The following NOS1AP variants were observed in gnomAD, a reference collection of about 807,000 sequenced individuals.
The protein encoded by NOS1AP is carboxyl-terminal PDZ ligand of neuronal nitric oxide synthase protein.
NOS1AP carries 21 observed loss-of-function variants against 56.2 expected under a neutral mutation model. The ratio of observed to expected loss-of-function variants is 0.37; its 90% confidence interval spans 0.26 to 0.54. The LOEUF is 0.54. Ranked by LOEUF, NOS1AP falls within the 20% of genes least tolerant of loss-of-function variation. The pLI is 0.84. For synonymous variants in NOS1AP, 270 were observed against 274.6 expected, an observed-to-expected ratio of 0.98 and a Z score of 0.17; for missense variants, 522 against 657.8, an observed-to-expected ratio of 0.79 and a Z score of 2.26.
chr1:162,186,519 C>T (rs990584252), intron 2 of NOS1AP, among the ~76,000 whole-genome samples: 3 of 152,104 alleles, frequency 2.0e-5, no homozygotes, highest in Non-Finnish European at 4.4e-5. Flanking sequence ...AGTGTGTCTC[C>T]CCCAAATTCA....
chr1:162,167,071 G>C (rs1424713160), intron 2 of NOS1AP, among the ~76,000 whole-genome samples: 1 of 152,218 alleles, frequency 6.6e-6, no homozygotes, highest in East Asian at 1.9e-4. Context: ...TAATGGGGCA[G>C]CTGCTGTTCC....
intron 1 of NOS1AP, among the ~76,000 whole-genome samples, chr1:162,114,124 A>G (rs1647828385): frequency 1.3e-5 from 2 of 152,228 alleles, no homozygotes; most frequent in African/African-American, 4.8e-5. Flanking sequence ...TTGAATGGAA[A>G]GAACTGTGGT....
At chr1:162,236,449 A>G (rs1653294015) in intron 2 of NOS1AP, among the ~76,000 whole-genome samples, 1 of 152,214 alleles carries the variant, frequency 6.6e-6, no homozygotes, top group African/African-American at 2.4e-5. Flanking sequence ...GAAGGGCTGC[A>G]AGCTTGAGCA....
At chr1:162,267,649 G>C (rs1333063371) in intron 2 of NOS1AP, among the ~76,000 whole-genome samples, 4 of 151,644 alleles carry the variant, frequency 2.6e-5, no homozygotes, top group Non-Finnish European at 5.9e-5. Flanking sequence ...CTAAGTCCCA[G>C]CTACTCAGGA....
chr1:162,158,368 C>T (rs1396982885), intron 2 of NOS1AP, among the ~76,000 whole-genome samples: 1 of 152,006 alleles, frequency 6.6e-6, no homozygotes, highest in African/African-American at 2.4e-5. Context: ...GTATATATAC[C>T]ACATTAAAAC....
intron 4 of NOS1AP, among the ~76,000 whole-genome samples, chr1:162,332,046 T>C (rs192094504): frequency 6.6e-6 from 1 of 152,334 alleles, no homozygotes; most frequent in African/African-American, 2.4e-5. Context: ...TTCAAAGCCT[T>C]CTACATTTTG....
chr1:162,315,654 C>G (rs1410345631), intron 4 of NOS1AP, among the ~76,000 whole-genome samples: 1 of 152,240 alleles, frequency 6.6e-6, no homozygotes, highest in African/African-American at 2.4e-5. Flanking sequence ...ACCCTGAGAA[C>G]TGGCTTTTGA....
intron 2 of NOS1AP, among the ~76,000 whole-genome samples, chr1:162,260,792 T>C (rs1199535874): frequency 6.6e-6 from 1 of 152,112 alleles, no homozygotes; most frequent in African/African-American, 2.4e-5. Context: ...TTTTTTTTAA[T>C]AGCTGAAAGT....
intron 6 of NOS1AP, among the ~76,000 whole-genome samples, chr1:162,352,624 G>C (rs548789389): frequency 6.6e-6 from 1 of 152,282 alleles, no homozygotes; most frequent in South Asian, 2.1e-4. Flanking sequence ...AGCCAATTTG[G>C]TTCCTGGTGA....
chr1:162,266,673 A>G (rs1226798788), intron 2 of NOS1AP, among the ~76,000 whole-genome samples: 1 of 152,224 alleles, frequency 6.6e-6, no homozygotes, highest in Non-Finnish European at 1.5e-5. Flanking sequence ...CTTTGCCCAA[A>G]GAGCTTATCT....
intron 6 of NOS1AP, among the ~76,000 whole-genome samples, chr1:162,353,661 G>A (rs1657599415): frequency 6.6e-6 from 1 of 152,224 alleles, no homozygotes; most frequent in Non-Finnish European, 1.5e-5. Flanking sequence ...TGATGGCCAG[G>A]CACATCCAAT....
chr1:162,197,467 T>G (rs552581931), intron 2 of NOS1AP, among the ~76,000 whole-genome samples: 1 of 152,338 alleles, frequency 6.6e-6, no homozygotes, highest in South Asian at 2.1e-4. Flanking sequence ...TGCTGGATCT[T>G]ACTGGGAGCT....
intron 2 of NOS1AP, among the ~76,000 whole-genome samples, chr1:162,177,668 T>G (rs1173233708): frequency 1.3e-5 from 2 of 152,348 alleles, no homozygotes; most frequent in African/African-American, 2.4e-5. Flanking sequence ...ATGATGTGAT[T>G]TTTCTATTTT....
At chr1:162,155,124 G>A (rs553470443) in intron 2 of NOS1AP, among the ~76,000 whole-genome samples, 1 of 151,494 alleles carries the variant, frequency 6.6e-6, no homozygotes, top group Non-Finnish European at 1.5e-5. Flanking sequence ...GTGGGTAAGC[G>A]ATGTGTTATA....
intron 2 of NOS1AP, among the ~76,000 whole-genome samples, chr1:162,158,605 A>G (rs1405077477): frequency 6.6e-6 from 1 of 152,178 alleles, no homozygotes; most frequent in South Asian, 2.1e-4. Flanking sequence ...CATTACTATC[A>G]TATCTTCCTT....
chr1:162,347,662 C>A (rs985114211), intron 6 of NOS1AP, among the ~76,000 whole-genome samples: 3 of 152,182 alleles, frequency 2.0e-5, no homozygotes, highest in African/African-American at 7.2e-5. Flanking sequence ...CTGGCCCCTG[C>A]AGTGGTCTGC....
At chr1:162,308,427 G>A (rs757823357) in intron 4 of NOS1AP, among the ~76,000 whole-genome samples, 1 of 152,186 alleles carries the variant, frequency 6.6e-6, no homozygotes, top group Non-Finnish European at 1.5e-5. Context: ...CTAGCAGAGA[G>A]AGTTAGAGCA....
chr1:162,342,685 G>A (rs113630733), intron 5 of NOS1AP: 45 of 415,134 alleles, frequency 1.1e-4, no homozygotes, highest in African/African-American at 6.2e-4. Flanking sequence ...GTTAGGTAAT[G>A]TAATACCAGC....
At chr1:162,361,433 T>C (rs963827215) in intron 8 of NOS1AP, among the ~76,000 whole-genome samples, 4 of 152,192 alleles carry the variant, frequency 2.6e-5, no homozygotes, top group African/African-American at 9.7e-5. Context: ...GCCTACATAG[T>C]TATAAAATGC....
Sources: gnomAD v4.1 joint callset for allele counts (sites outside exome capture counted in the v4.1 genomes callset) on GRCh38, gnomAD v4.1.1 for gene constraint, MANE v1.5 for transcripts, NCBI Gene and HGNC (gene_info 2026-07-23, HGNC 2026-07-21) for gene names.